CHSY1: variants seen among roughly 807,000 people sequenced by gnomAD.
CHSY1 encodes N-acetylgalactosaminyl-proteoglycan 3-beta-glucuronosyltransferase 1.
A neutral mutation model predicts 59.8 loss-of-function variants in CHSY1; 13 were observed. The ratio of observed to expected loss-of-function variants is 0.22; its 90% CI spans 0.14 to 0.35. CHSY1 has a LOEUF of 0.35. CHSY1 is among the 10% of genes least tolerant of loss of function. The probability of loss-of-function intolerance (pLI) is 1.00; values close to 1 mark genes in which losing one functional copy is unlikely to be tolerated. For synonymous variants in CHSY1, 459 were observed against 401.2 expected (o/e 1.14, Z -1.72); for missense variants, 947 against 1,030.6 (o/e 0.92, Z 1.11).
At chr15:101,239,611 T>C (rs548557327) in intron 1 of CHSY1, among the ~76,000 whole-genome samples, 1 of 152,338 alleles carries the variant, frequency 6.6e-6, no homozygotes, top group South Asian at 2.1e-4. Context: ...GACAAGAGTT[T>C]GCAAATCAAA....
chr15:101,235,437 T>C lies in CHSY1; in HGVS notation c.461A>G (p.Lys154Arg), dbSNP rs984872328. ...GTCCAAGTAGTGGTCGTGCATGTAC[T>C]TGAGCATCATGAAGGACTTCTTCTG... ...PPQKKSFMML[K>R]YMHDHYLDKY... The change falls in exon 2 of 3, where the codon AAG (lysine) becomes AGG (arginine). Residue 154 changes from lysine (K) to arginine (R), a missense_variant. Physicochemically the swap from Lys to Arg is conservative, Grantham distance 26. Transcript: ENST00000254190. 1.9e-6 allele frequency: 3 copies of C among 1,614,178 alleles called. No homozygotes were observed. The highest frequency in any genetic ancestry group is 1.7e-6 in the Non-Finnish European group (2 of 1,180,032).
chr15:101,187,162 T>A (rs1353930098), intron 2 of CHSY1, among the ~76,000 whole-genome samples: 1 of 152,186 alleles, frequency 6.6e-6, no homozygotes, highest in African/African-American at 2.4e-5. Flanking sequence ...ACTCCAGGAA[T>A]AAAGTAATGA....
rs74545602 is a variant in CHSY1 at position 101,235,232 on chromosome 15, C to A, written c.666G>T (p.Gly222=). Residue 222 remains glycine (G), a synonymous_variant, in exon 2 of 3, where the codon GGG becomes GGT. Coordinates refer to ENST00000254190, the MANE Select transcript of CHSY1 (RefSeq NM_014918.5). The part of the protein sequence containing the change: ...LEPGENFCMG[G]PGVIMSREVL... ...CCTCCCGGCTCATGATCACGCCAGG[C>A]CCCCCCATGCAGAAGTTCTCACCAG... is the stretch of plus-strand genomic sequence containing the variant. The A allele has an allele frequency of 8.1e-6, 13 of 1,613,840 alleles. No individual in the cohort carries two copies. In the Admixed American group the frequency reaches 2.2e-4, roughly 27 times the overall value.
chr15:101,240,650 T>C (rs1328961193), intron 1 of CHSY1, among the ~76,000 whole-genome samples: 3 of 152,218 alleles, frequency 2.0e-5, no homozygotes, highest in Non-Finnish European at 4.4e-5. Flanking sequence ...TGGACCAGTA[T>C]TAGCTTAGCT....
intron 2 of CHSY1, among the ~76,000 whole-genome samples, chr15:101,227,628 G>GAACCCAAAGAACCCAAGAAGCAAAGA (rs2038853954): frequency 3.3e-5 from 5 of 152,202 alleles, no homozygotes; most frequent in Admixed American, 2.6e-4. Flanking sequence ...GTTCAGCAAA[G>GAACCCAAAGAACCCAAGAAGCAAAGA]ACCCAAGAAG....
chr15:101,189,474 C>G (rs1306378934), intron 2 of CHSY1: 2 of 985,344 alleles, frequency 2.0e-6, no homozygotes, highest in Admixed American at 1.2e-4. Context: ...TCGGGGGGAC[C>G]AGGACGTGCC....
chr15:101,192,522 C>G (rs1018568769), intron 2 of CHSY1, among the ~76,000 whole-genome samples: 7 of 152,160 alleles, frequency 4.6e-5, no homozygotes, highest in Admixed American at 4.6e-4. Context: ...ACTCCCCCCA[C>G]TCCCAAACAA....
In CHSY1 at chr15:101,178,739, T is replaced by G. The variant is rs760264432; in HGVS notation, c.1058A>C (p.Asp353Ala). Residue 353 changes from aspartate (D) to alanine (A), a missense_variant, in exon 3 of 3, where the codon GAC becomes GCC. Transcript: ENST00000254190. ...GGAGGGAGGGATTCCCAGCTGGAGG[T>G]CCTCTTTATGAATTTCTGTGTTGCT... ...KYSNTEIHKE[D>A]LQLGIPPSFM... The G allele has an allele frequency of 6.2e-7, 1 of 1,614,098 alleles. No individual in the cohort carries two copies. The highest frequency in any genetic ancestry group is 1.3e-5 in the African/African-American group (1 of 75,000).
In CHSY1 at chr15:101,189,916, C is replaced by T. The variant is rs183592611; in HGVS notation, c.817-10936G>A. Among the ~76,000 whole-genome samples the T allele has an allele frequency of 4.0e-3, 612 of 152,382 alleles. 5 individuals carry two copies. The highest frequency in any genetic ancestry group is 5.6e-3 in the Non-Finnish European group (379 of 68,042). On this transcript the variant is annotated intron_variant, in intron 2 of 2. Transcript: ENST00000254190. ...GGGTTCCCGCAGCCCAGCTCCACCA[C>T]TTGAGTCCTCGGAGGAAGAGCAACT...
At chr15:101,232,543 T>C (rs981919951) in intron 2 of CHSY1, among the ~76,000 whole-genome samples, 9 of 152,074 alleles carry the variant, frequency 5.9e-5, no homozygotes, top group African/African-American at 9.7e-5. Context: ...TAAGAAAACA[T>C]ACAGGAGAAA....
intron 2 of CHSY1, among the ~76,000 whole-genome samples, chr15:101,181,971 AG>A (rs1401127878): frequency 6.6e-6 from 1 of 152,244 alleles, no homozygotes; most frequent in Non-Finnish European, 1.5e-5. Flanking sequence ...GCTAGAGAAA[AG>A]AAAATGTTAT....
At chr15:101,192,414 C>A (rs1230189318) in intron 2 of CHSY1, among the ~76,000 whole-genome samples, 1 of 152,200 alleles carries the variant, frequency 6.6e-6, no homozygotes, top group African/African-American at 2.4e-5. Context: ...AAAAGACATC[C>A]CCATCCCTAC....
intron 1 of CHSY1, among the ~76,000 whole-genome samples, chr15:101,248,953 ATTTTTTTT>A (rs565187410): frequency 1.3e-4 from 14 of 111,450 alleles, no homozygotes; most frequent in African/African-American, 2.2e-4. Flanking sequence ...AGCCTGGCTA[ATTTTTTTT>A]TTTTTTTTTT....
chr15:101,215,768 T>C (rs567656985), intron 2 of CHSY1, among the ~76,000 whole-genome samples: 1 of 152,336 alleles, frequency 6.6e-6, no homozygotes, highest in African/African-American at 2.4e-5. Context: ...AACAAATGAA[T>C]GAACAATTCA....
chr15:101,210,994 T>G (rs978832960), intron 2 of CHSY1, among the ~76,000 whole-genome samples: 3 of 152,094 alleles, frequency 2.0e-5, no homozygotes, highest in Non-Finnish European at 4.4e-5. Flanking sequence ...TCAAATGAAA[T>G]AACTAAAATT....
chr15:101,193,482 G>A (rs944720857), intron 2 of CHSY1, among the ~76,000 whole-genome samples: 3 of 116,514 alleles, frequency 2.6e-5, no homozygotes, highest in African/African-American at 7.8e-5. Flanking sequence ...ACACCCTGGA[G>A]CACGGAGCAA....
intron 2 of CHSY1, among the ~76,000 whole-genome samples, chr15:101,204,095 G>C (rs1289821088): frequency 2.3e-4 from 35 of 152,092 alleles, no homozygotes; most frequent in Admixed American, 2.3e-3. Context: ...ACTGATTTAA[G>C]GGCAAAAAGA....
intron 1 of CHSY1, among the ~76,000 whole-genome samples, chr15:101,237,222 T>TGAAAAAAAAA (rs1491396831): frequency 3.5e-5 from 2 of 57,358 alleles, no homozygotes; most frequent in African/African-American, 1.2e-4. Context: ...AGACTCCATC[T>TGAAAAAAAAA]AAAAAAAAAA....
chr15:101,196,551 G>A (rs761597902), intron 2 of CHSY1, among the ~76,000 whole-genome samples: 1 of 152,146 alleles, frequency 6.6e-6, no homozygotes, highest in Non-Finnish European at 1.5e-5. Flanking sequence ...ACTAACTTGA[G>A]AGAAGCCACA....
Sources: gnomAD v4.1 joint callset for allele counts (sites outside exome capture counted in the v4.1 genomes callset) on GRCh38, gnomAD v4.1.1 for gene constraint, MANE v1.5 for transcripts, NCBI Gene and HGNC (gene_info 2026-07-23, HGNC 2026-07-21) for gene names.